The following ATF6 variants were observed in gnomAD, a reference collection of about 807,000 sequenced individuals.
ATF6 encodes the protein cyclic AMP-dependent transcription factor ATF-6 alpha.
A neutral mutation model predicts 83.6 loss-of-function variants in ATF6; 53 were observed. The ratio of observed to expected loss-of-function variants is 0.63; its 90% CI spans 0.51 to 0.80. The LOEUF is 0.80. ATF6 is among the 30% of genes least tolerant of loss of function. ATF6 has a pLI of 0.00. For missense variants in ATF6, 744 were observed against 797.9 expected (o/e 0.93, Z 0.81); for synonymous variants, 288 against 285.8 (o/e 1.01, Z -0.08).
intron 14 of ATF6, among the ~76,000 whole-genome samples, chr1:161,877,105 A>T (rs1571208330): frequency 1.3e-5 from 2 of 152,160 alleles, no homozygotes; most frequent in East Asian, 3.9e-4. Flanking sequence ...AACTTTCTCC[A>T]TTATTCTACT....
At chr1:161,806,072 A>C (rs1685272887) in intron 7 of ATF6, among the ~76,000 whole-genome samples, 1 of 152,046 alleles carries the variant, frequency 6.6e-6, no homozygotes, top group Non-Finnish European at 1.5e-5. Flanking sequence ...ACTCTTGGAG[A>C]CCTCACCTAA....
chr1:161,849,149 G>A (rs562617499), intron 10 of ATF6, among the ~76,000 whole-genome samples: 1 of 152,256 alleles, frequency 6.6e-6, no homozygotes, highest in South Asian at 2.1e-4. Flanking sequence ...GAGGTGTTAA[G>A]CAGCCTCCTC....
intron 6 of ATF6, among the ~76,000 whole-genome samples, chr1:161,799,239 C>A (rs1281160735): frequency 1.3e-5 from 2 of 152,162 alleles, no homozygotes; most frequent in Non-Finnish European, 2.9e-5. Context: ...CCATTCAATA[C>A]TACACAGCCA....
intron 6 of ATF6, among the ~76,000 whole-genome samples, chr1:161,795,789 A>T (rs1685003698): frequency 6.6e-6 from 1 of 152,208 alleles, no homozygotes; most frequent in South Asian, 2.1e-4. Context: ...AAGGCCCCAA[A>T]CAATTCTTTG....
At chr1:161,911,253 T>C (rs747962750) in intron 14 of ATF6, among the ~76,000 whole-genome samples, 25 of 152,212 alleles carry the variant, frequency 1.6e-4, no homozygotes, top group East Asian at 3.8e-4. Context: ...AGTTTAACCA[T>C]GCTCCCTTAA....
chr1:161,929,921 G>A (rs570703019), intron 15 of ATF6, among the ~76,000 whole-genome samples: 5 of 152,286 alleles, frequency 3.3e-5, no homozygotes, highest in African/African-American at 9.6e-5. Context: ...TAAAGGGTCA[G>A]TATGATGTTT....
intron 12 of ATF6, among the ~76,000 whole-genome samples, chr1:161,859,406 T>A (rs1356107419): frequency 6.6e-6 from 1 of 152,238 alleles, no homozygotes; most frequent in East Asian, 1.9e-4. Context: ...AAGGCAGAAG[T>A]CAAATATTTA....
At chr1:161,856,010 A>G (rs1195910234) in intron 12 of ATF6, among the ~76,000 whole-genome samples, 2 of 152,224 alleles carry the variant, frequency 1.3e-5, no homozygotes, top group Non-Finnish European at 2.9e-5. Context: ...ACAGGAGTCA[A>G]GAAAGAGTTT....
At chr1:161,890,590 G>A (rs1260607963) in intron 14 of ATF6, among the ~76,000 whole-genome samples, 1 of 152,240 alleles carries the variant, frequency 6.6e-6, no homozygotes, top group Non-Finnish European at 1.5e-5. Context: ...CCGCCAGCCA[G>A]GCCGCCAGGT....
chr1:161,767,577 A>T (rs1239740243), intron 1 of ATF6, among the ~76,000 whole-genome samples: 1 of 152,180 alleles, frequency 6.6e-6, no homozygotes, highest in African/African-American at 2.4e-5. Flanking sequence ...CAACAGTCCA[A>T]TGAGGTACTG....
intron 14 of ATF6, among the ~76,000 whole-genome samples, chr1:161,883,770 A>G (rs1400010324): frequency 6.6e-6 from 1 of 152,022 alleles, no homozygotes; most frequent in Non-Finnish European, 1.5e-5. Context: ...GTAATTGCAT[A>G]AGGTCGCTAT....
chr1:161,785,278 G>A (rs867486323), intron 4 of ATF6, among the ~76,000 whole-genome samples: 4 of 151,910 alleles, frequency 2.6e-5, no homozygotes, highest in Middle Eastern at 3.4e-3. Flanking sequence ...TTCTTGTCTT[G>A]GAAAACTCAT....
At chr1:161,869,081 A>T (rs1327661456) in intron 14 of ATF6, among the ~76,000 whole-genome samples, 1 of 151,582 alleles carries the variant, frequency 6.6e-6, no homozygotes, top group African/African-American at 2.4e-5. Context: ...GATTATTGCA[A>T]AAAAAAAGGT....
At chr1:161,924,417 T>C (rs535969978) in intron 15 of ATF6, among the ~76,000 whole-genome samples, 1 of 152,288 alleles carries the variant, frequency 6.6e-6, no homozygotes, top group South Asian at 2.1e-4. Context: ...TTTAAAAAAA[T>C]CTAGAATCTT....
At chr1:161,916,170 G>A (rs1345241528) in intron 15 of ATF6, among the ~76,000 whole-genome samples, 2 of 151,976 alleles carry the variant, frequency 1.3e-5, no homozygotes, top group Admixed American at 6.6e-5. Flanking sequence ...CAAATATCTC[G>A]CCAAGTCAAA....
chr1:161,832,715 C>T (rs966130707), intron 9 of ATF6, among the ~76,000 whole-genome samples: 14 of 152,298 alleles, frequency 9.2e-5, no homozygotes, highest in East Asian at 1.9e-4. Flanking sequence ...GGGAGGGGCA[C>T]CTGCCATTGC....
intron 15 of ATF6, among the ~76,000 whole-genome samples, chr1:161,916,510 A>G (rs1688104537): frequency 6.6e-6 from 1 of 152,200 alleles, no homozygotes; most frequent in South Asian, 2.1e-4. Flanking sequence ...CATAACCACA[A>G]TAAAATGATG....
intron 15 of ATF6, among the ~76,000 whole-genome samples, chr1:161,939,734 A>T (rs1322507749): frequency 6.6e-6 from 1 of 152,198 alleles, no homozygotes; most frequent in East Asian, 1.9e-4. Flanking sequence ...GTGAGAACGT[A>T]TCCCTTCCCT....
chr1:161,869,189 C>T (rs1687072144), intron 14 of ATF6, among the ~76,000 whole-genome samples: 1 of 151,980 alleles, frequency 6.6e-6, no homozygotes, highest in Admixed American at 6.6e-5. Flanking sequence ...TATTTTCTAA[C>T]TTAATACCTA....
Sources: allele counts gnomAD v4.1 joint callset (sites outside exome capture counted in the v4.1 genomes callset), GRCh38; gene constraint gnomAD v4.1.1; transcripts MANE v1.5; gene names NCBI Gene and HGNC (gene_info 2026-07-23, HGNC 2026-07-21).